Variants in KCNE2 observed in about 807,000 individuals in gnomAD.
KCNE2 encodes potassium voltage-gated channel subfamily E regulatory subunit 2, also known as potassium voltage-gated channel subfamily E member 2.
KCNE2 carries 4 observed loss-of-function variants against 4.5 expected under a neutral mutation model. That is an observed-to-expected ratio of 0.89 (90% confidence interval 0.44 to 2.03). The LOEUF (loss-of-function observed/expected upper bound fraction) is 2.03. Among genes scored for constraint, KCNE2 ranks in the 30% most tolerant of loss-of-function variants. KCNE2 has a pLI of 0.03. For missense variants in KCNE2, 137 were observed against 151.4 expected (o/e 0.90, Z 0.50); for synonymous variants, 57 against 55.9 (o/e 1.02, Z -0.09).
Position 34,370,553 on chromosome 21 carries a change from T to C in KCNE2, c.75T>C (p.Asn25=), listed in dbSNP as rs372013275. 2.6e-5 allele frequency: 42 copies of C among 1,614,192 alleles called. No individual in the cohort carries two copies. The East Asian group carries it at 5.6e-4, about 21-fold the overall frequency. Residue 25 remains asparagine, a synonymous_variant, in exon 2 of 2, where the codon AAT becomes AAC. Transcript: ENST00000290310. The part of the protein sequence containing the change: ...FRRIFITYMD[N]WRQNTTAEQE... ...GGATTTTTATTACTTATATGGACAA[T>C]TGGCGCCAGAACACAACAGCTGAGC...
At position 34,371,139 on chromosome 21, in the gene KCNE2, A is replaced by C. The variant is rs1979574883; in HGVS notation, c.*289A>C. The C allele has an allele frequency of 2.2e-6, 1 of 456,788 alleles. No individual in the cohort carries two copies. The highest frequency in any genetic ancestry group is 2.4e-5 in the South Asian group (1 of 40,870). 28.3% of individuals were successfully genotyped at this position (456,788 alleles called of 1,614,324 possible). ...AATGATGAAAATAAAGCCAAATTTG[A>C]AGTAAAGTGTCTGGGCAGTGGCTGT... On this transcript the variant is annotated 3_prime_UTR_variant, in exon 2 of 2. Transcript: ENST00000290310.
intron 1 of KCNE2, among the ~76,000 whole-genome samples, chr21:34,366,776 G>A (rs975394622): frequency 2.0e-5 from 3 of 151,150 alleles, no homozygotes; most frequent in Admixed American, 6.6e-5. Context: ...TCAGGAGATC[G>A]AGACCATCCT....
At position 34,370,710 on chromosome 21, in the gene KCNE2, G is replaced by C; in HGVS notation, c.232G>C (p.Glu78Gln). ...GAGCACTGTGAAATCCAAGAGACGG[G>C]AACACTCCAATGACCCCTACCACCA... The part of the protein sequence containing the change: ...LVSTVKSKRR[E>Q]HSNDPYHQYI... Residue 78 changes from glutamate to glutamine, a missense_variant, in exon 2 of 2, where the codon GAA (glutamate) becomes CAA (glutamine). Coordinates refer to ENST00000290310, the MANE Select transcript of KCNE2 (RefSeq NM_172201.2). 2 of 1,614,174 alleles carry C rather than the reference G, an allele frequency of 1.2e-6. No individual in the cohort carries two copies. The highest frequency in any genetic ancestry group is 8.5e-7 in the Non-Finnish European group (1 of 1,180,032).
At position 34,371,291 on chromosome 21, in the gene KCNE2, C is replaced by A. The variant is rs9636616; in HGVS notation, c.*441C>A. 2 of 234,140 alleles carry A rather than the reference C, an allele frequency of 8.5e-6. No homozygotes were observed. Among genetic ancestry groups the A allele is most frequent in the East Asian group, 2.3e-4 (2 of 8,674 alleles). 14.5% of individuals were successfully genotyped at this position (234,140 alleles called of 1,614,324 possible). Reference sequence around the variant, plus strand: ...GTAGAAGCTGAGGCTCAAAAGCTATCACTTGCTTACCAGACGGACATAGGA... The same window carrying A: ...GTAGAAGCTGAGGCTCAAAAGCTATAACTTGCTTACCAGACGGACATAGGA... On this transcript the variant is annotated 3_prime_UTR_variant, in exon 2 of 2. Transcript: ENST00000290310.
intron 1 of KCNE2, among the ~76,000 whole-genome samples, chr21:34,365,522 T>A (rs1242926271): frequency 6.6e-6 from 1 of 152,134 alleles, no homozygotes; most frequent in Non-Finnish European, 1.5e-5. Context: ...ACCTCCCAGG[T>A]TCAAGCTATC....
intron 1 of KCNE2, among the ~76,000 whole-genome samples, chr21:34,365,430 T>C (rs991321580): frequency 2.0e-5 from 3 of 152,130 alleles, no homozygotes; most frequent in Non-Finnish European, 2.9e-5. Context: ...CCAAATATGG[T>C]TTGTTTCGAT....
At chr21:34,369,324 T>TG (rs757020049) in intron 1 of KCNE2, among the ~76,000 whole-genome samples, 1 of 151,696 alleles carries the variant, frequency 6.6e-6, no homozygotes, top group Non-Finnish European at 1.5e-5. Context: ...CTGAGGCGGG[T>TG]GGATCACCTG....
In KCNE2 at chr21:34,370,896, G is replaced by T. The variant is rs375557746; in HGVS notation, c.*46G>T. 36 of 1,611,914 alleles carry T rather than the reference G, an allele frequency of 2.2e-5. No individual in the cohort carries two copies. Among genetic ancestry groups the T allele is most frequent in the Non-Finnish European group, 3.0e-5 (35 of 1,179,680 alleles). The stretch of plus-strand genomic sequence containing the variant: ...CTAACATCTGACGTCCAGACATGAA[G>T]AGATGCCAGTGCCACGAGGCAAATC... On this transcript the variant is annotated 3_prime_UTR_variant, in exon 2 of 2. Transcript: ENST00000290310.
chr21:34,371,025 A>G lies in KCNE2; in HGVS notation c.*175A>G, dbSNP rs1979570193. 1.3e-6 allele frequency: 1 copy of G among 778,326 alleles called. No individual in the cohort carries two copies. Among genetic ancestry groups the G allele is most frequent in the Non-Finnish European group, 2.1e-6 (1 of 468,694 alleles). 48.2% of individuals were successfully genotyped at this position (778,326 alleles called of 1,614,324 possible). On this transcript the variant is annotated 3_prime_UTR_variant, in exon 2 of 2. Coordinates refer to ENST00000290310, the MANE Select transcript of KCNE2 (RefSeq NM_172201.2). ...TAAAGATAGATGACATTTCAATCTC[A>G]GTGATTTATGCTTGCTTGTTGGAGC... is the stretch of plus-strand genomic sequence containing the variant.
chr21:34,370,364 T>G, intron 1 of KCNE2, 103 bp from the exon 2 acceptor site: 2 of 1,350,948 alleles, frequency 1.5e-6, no homozygotes, highest in South Asian at 2.4e-5. Flanking sequence ...GAAGAAATAC[T>G]ATTACTTATA....
chr21:34,366,974 CAAAA>C (rs747133749), intron 1 of KCNE2, among the ~76,000 whole-genome samples: 4 of 14,824 alleles, frequency 2.7e-4, no homozygotes, highest in Non-Finnish European at 4.0e-4. Flanking sequence ...GACTCCATCT[CAAAA>C]AAAAAAAAAA....
chr21:34,366,944 A>G (rs1979331396), intron 1 of KCNE2, among the ~76,000 whole-genome samples: 1 of 128,302 alleles, frequency 7.8e-6, no homozygotes, highest in Non-Finnish European at 1.5e-5. Flanking sequence ...GCGCCACTGC[A>G]CTCCAGCCTG....
intron 1 of KCNE2, among the ~76,000 whole-genome samples, chr21:34,366,783 T>A (rs866257375): frequency 6.6e-6 from 1 of 150,582 alleles, no homozygotes; most frequent in African/African-American, 2.4e-5. Context: ...ATCGAGACCA[T>A]CCTGGCTAAC....
intron 1 of KCNE2, among the ~76,000 whole-genome samples, chr21:34,369,121 A>AG (rs1295572700): frequency 1.3e-5 from 2 of 152,170 alleles, no homozygotes; most frequent in Admixed American, 1.3e-4. Flanking sequence ...TAGTGAGCAA[A>AG]GGGTAACTGA....
In KCNE2 at chr21:34,367,522, G is replaced by A. The variant is rs537164689; in HGVS notation, c.-12-2945G>A. 4.6e-4 allele frequency among the ~76,000 whole-genome samples: 70 copies of A among 152,234 alleles called. 2 individuals carry two copies. In the South Asian group the frequency reaches 0.014, roughly 30 times the overall value. On this transcript the variant is annotated intron_variant, in intron 1 of 1. Coordinates refer to ENST00000290310, the MANE Select transcript of KCNE2 (RefSeq NM_172201.2). The stretch of plus-strand genomic sequence containing the variant: ...TCCTTCCAACCCACTAGCCTGTGTG[G>A]CCAGGAGAGGGAGACAAAGATCTTA...
At chr21:34,368,391 G>A (rs1391515924) in intron 1 of KCNE2, among the ~76,000 whole-genome samples, 3 of 151,476 alleles carry the variant, frequency 2.0e-5, no homozygotes, top group East Asian at 1.9e-4. Flanking sequence ...ACGAGGTCAC[G>A]AGATCGAGAC....
intron 1 of KCNE2, among the ~76,000 whole-genome samples, chr21:34,366,142 C>T (rs891707745): frequency 3.3e-5 from 5 of 152,120 alleles, no homozygotes; most frequent in Non-Finnish European, 5.9e-5. Flanking sequence ...CGCTGCCATG[C>T]CTGCACCTGG....
chr21:34,365,428 GGTTT>G (rs1979249658), intron 1 of KCNE2, among the ~76,000 whole-genome samples: 1 of 152,128 alleles, frequency 6.6e-6, no homozygotes, highest in African/African-American at 2.4e-5. Context: ...TACCAAATAT[GGTTT>G]GTTTCGATTT....
intron 1 of KCNE2, among the ~76,000 whole-genome samples, chr21:34,364,477 GA>G (rs958122167): frequency 6.6e-5 from 10 of 152,170 alleles, no homozygotes; most frequent in African/African-American, 2.4e-4. Context: ...TTCAAGAAAA[GA>G]AAACTTTGGG....
Sources: gnomAD v4.1 joint callset for allele counts (sites outside exome capture counted in the v4.1 genomes callset) on GRCh38, gnomAD v4.1.1 for gene constraint, MANE v1.5 for transcripts, NCBI Gene and HGNC (gene_info 2026-07-23, HGNC 2026-07-21) for gene names.